Variants in R3HDM2 observed in about 807,000 individuals in gnomAD.
The protein encoded by R3HDM2 is R3H domain containing 2, also known as R3H domain-containing protein 2.
Under a neutral mutation model 124.5 loss-of-function variants are expected in R3HDM2, and 38 were observed. The ratio of observed to expected loss-of-function variants is 0.31; its 90% CI spans 0.24 to 0.40. R3HDM2 has a LOEUF of 0.40. Among genes scored for constraint, R3HDM2 ranks in the 10% least tolerant of loss-of-function variants. The pLI, the probability that R3HDM2 is intolerant of heterozygous loss-of-function variation, is 1.00. For synonymous variants in R3HDM2, 391 were observed against 448.0 expected, an observed-to-expected ratio of 0.87 and a Z score of 1.61; for missense variants, 869 against 1,236.9, an observed-to-expected ratio of 0.70 and a Z score of 4.46.
At chr12:57,282,483 T>C (rs1189591763) in intron 13 of R3HDM2, among the ~76,000 whole-genome samples, 5 of 152,012 alleles carry the variant, frequency 3.3e-5, no homozygotes, top group Non-Finnish European at 7.4e-5. Context: ...CTGTTTTAGA[T>C]TGGCAAACTG....
At chr12:57,314,022 CT>C (rs2139198340) in intron 2 of R3HDM2, among the ~76,000 whole-genome samples, 1 of 145,910 alleles carries the variant, frequency 6.9e-6, no homozygotes, top group South Asian at 2.2e-4. Context: ...AACCCCGTCT[CT>C]ACTAAAAATA....
intron 21 of R3HDM2, among the ~76,000 whole-genome samples, chr12:57,256,923 CTCCTGCT>C (rs1422184970): frequency 6.6e-6 from 1 of 151,606 alleles, no homozygotes; most frequent in Non-Finnish European, 1.5e-5. Flanking sequence ...GGAAGCGATT[CTCCTGCT>C]TCAGCCTCCC....
intron 2 of R3HDM2, among the ~76,000 whole-genome samples, chr12:57,370,185 T>G: frequency 6.6e-6 from 1 of 152,160 alleles, no homozygotes; most frequent in South Asian, 2.1e-4. Context: ...CTCATGCTAG[T>G]GAGTGAGTTC....
intron 14 of R3HDM2, among the ~76,000 whole-genome samples, chr12:57,277,541 C>A (rs1279929465): frequency 6.6e-6 from 1 of 151,726 alleles, no homozygotes; most frequent in Non-Finnish European, 1.5e-5. Context: ...CAGGTTCAAG[C>A]AATTCTCATG....
chr12:57,367,753 T>G (rs1314887673), intron 2 of R3HDM2, among the ~76,000 whole-genome samples: 1 of 152,236 alleles, frequency 6.6e-6, no homozygotes, highest in Non-Finnish European at 1.5e-5. Context: ...GACAGCAGCA[T>G]AAATCAGCTT....
rs1453842239 is a variant in R3HDM2, at chr12:57,269,818, G to A, written c.1521C>T (p.Thr507=). The change falls in exon 15 of 24, where the codon ACC becomes ACT. Residue 507 remains threonine (T), a synonymous_variant. Transcript: ENST00000402412. ...GCTGAGTAGGTGGTGCATGGCTAGA[G>A]GTGGAATAGTTGGAAGTGGGGAGGG... is the stretch of plus-strand genomic sequence containing the variant. ...GQPLPTSNYS[T]SSHAPPTQQV... is the part of the protein sequence containing the mutation. 4 of 1,614,088 alleles carry A rather than the reference G, an allele frequency of 2.5e-6. No individual in the cohort carries two copies. The African/African-American group carries it at 4.0e-5, about 16-fold the overall frequency.
intron 2 of R3HDM2, among the ~76,000 whole-genome samples, chr12:57,376,354 T>C (rs1351849446): frequency 6.6e-6 from 1 of 152,232 alleles, no homozygotes; most frequent in Admixed American, 6.5e-5. Context: ...AATAACCTTC[T>C]GTTATACACG....
intron 2 of R3HDM2, among the ~76,000 whole-genome samples, chr12:57,358,463 CCTGTGTCCACCA>C (rs2061536099): frequency 6.6e-6 from 1 of 151,670 alleles, no homozygotes; most frequent in Admixed American, 6.6e-5. Context: ...ATGGCAAAAC[CCTGTGTCCACCA>C]AAAATACAAA....
chr12:57,389,161 T>C (rs1400646022), intron 2 of R3HDM2, among the ~76,000 whole-genome samples: 2 of 152,070 alleles, frequency 1.3e-5, no homozygotes, highest in African/African-American at 4.8e-5. Flanking sequence ...CCTGAAACGT[T>C]AGGAGGGAAG....
intron 1 of R3HDM2, among the ~76,000 whole-genome samples, chr12:57,423,934 G>C (rs2070452438): frequency 6.7e-6 from 1 of 150,184 alleles, no homozygotes; most frequent in Non-Finnish European, 1.5e-5. Flanking sequence ...GACCAACATG[G>C]AGAAAACCCA....
intron 19 of R3HDM2, among the ~76,000 whole-genome samples, chr12:57,265,026 G>C (rs190568631): frequency 6.6e-5 from 10 of 152,280 alleles, no homozygotes; most frequent in Admixed American, 2.6e-4. Context: ...CGTGTTAGGG[G>C]AATTCTTGGC....
intron 14 of R3HDM2, among the ~76,000 whole-genome samples, chr12:57,277,524 C>T (rs1301674057): frequency 6.6e-6 from 1 of 151,888 alleles, no homozygotes; most frequent in Non-Finnish European, 1.5e-5. Context: ...CTGCAACCTC[C>T]ACCTCCCAGG....
intron 2 of R3HDM2, among the ~76,000 whole-genome samples, chr12:57,360,880 G>A (rs2061857597): frequency 6.6e-6 from 1 of 151,492 alleles, no homozygotes; most frequent in South Asian, 2.1e-4. Context: ...GTGAAACCCT[G>A]TCTCTACTAA....
intron 2 of R3HDM2, among the ~76,000 whole-genome samples, chr12:57,349,268 T>C (rs1418097790): frequency 2.7e-5 from 4 of 148,710 alleles, no homozygotes; most frequent in Non-Finnish European, 4.4e-5. Flanking sequence ...TAGTCCCAGC[T>C]ACTCGGGAGG....
intron 2 of R3HDM2, among the ~76,000 whole-genome samples, chr12:57,392,804 CTTTTTTTTTT>C (rs1183514418): frequency 1.6e-5 from 2 of 127,526 alleles, no homozygotes; most frequent in African/African-American, 5.7e-5. Flanking sequence ...CTATAGTACA[CTTTTTTTTTT>C]TTTTTTTTTT....
At chr12:57,284,104 A>C in intron 12 of R3HDM2, 48 bp from the exon 13 acceptor site, 1 of 1,468,758 alleles carries the variant, frequency 6.8e-7, no homozygotes. Context: ...CCACTTTAGC[A>C]GAAGGGCTAG....
chr12:57,305,797 C>G (rs2052452009), intron 3 of R3HDM2: 1 of 393,906 alleles, frequency 2.5e-6, no homozygotes, highest in East Asian at 3.6e-5. Context: ...CATACATTTA[C>G]AGATATTGAG....
chr12:57,296,634 T>C lies in R3HDM2; in HGVS notation c.561-83A>G. 1.4e-6 allele frequency: 2 copies of C among 1,397,592 alleles called. No homozygotes were observed. 86.6% of individuals were successfully genotyped at this position (1,397,592 alleles called of 1,614,324 possible). A position where few individuals can be genotyped will look rare whatever the true frequency, so the allele number is the denominator to read the frequency against. ...AATTTTAATTTTTCTTACAAGTGTC[T>C]AAAGTGGAAAGTTTCTTAGGAGAAA... On this transcript the variant is annotated intron_variant, in intron 8 of 23. Transcript: ENST00000402412. The surrounding 1 kb of genome is among the most constrained non-coding windows in gnomAD (Gnocchi z 4.5).
chr12:57,348,712 A>G (rs1566281366), intron 2 of R3HDM2, among the ~76,000 whole-genome samples: 1 of 43,754 alleles, frequency 2.3e-5, no homozygotes, highest in African/African-American at 5.3e-5. Flanking sequence ...AAAAAAAAAA[A>G]AAAAAAAAAG....
Sources: gnomAD v4.1 joint callset for allele counts (sites outside exome capture counted in the v4.1 genomes callset) on GRCh38, gnomAD v4.1.1 for gene constraint, Gnocchi (gnomAD v3.1) non-coding constraint, MANE v1.5 for transcripts, NCBI Gene and HGNC (gene_info 2026-07-23, HGNC 2026-07-21) for gene names.